Variants in EXOC6 observed in about 807,000 individuals in gnomAD.
EXOC6 encodes SEC15-like 1.
A neutral mutation model predicts 112.5 loss-of-function variants in EXOC6; 60 were observed. The observed-to-expected ratio is 0.53, with a 90% CI of 0.43 to 0.66. The LOEUF (loss-of-function observed/expected upper bound fraction) is 0.66, where lower values mean the gene tolerates loss of function less well. Ranked by LOEUF, EXOC6 falls within the 30% of genes least tolerant of loss-of-function variation. EXOC6 has a pLI of 0.00. For synonymous variants in EXOC6, 295 were observed against 308.0 expected (o/e 0.96, Z 0.44); for missense variants, 855 against 957.1 (o/e 0.89, Z 1.41).
Position 92,838,375 on chromosome 10 carries a change from T to C in EXOC6, c.86+3551T>C, listed in dbSNP as rs1846728205. ...CTTCCAGATGGTCCAGCTCGTTTCC[T>C]GCCTGACTTTCCCAATGAGCCCTTG... is the stretch of plus-strand genomic sequence containing the variant. On this transcript the variant is annotated intron_variant, in intron 1 of 21. Coordinates refer to the EXOC6 transcript ENST00000371552. Among the ~76,000 whole-genome samples, 3 of 152,218 alleles carry C rather than the reference T, an allele frequency of 2.0e-5. No individual in the cohort carries two copies. The South Asian group carries it at 6.2e-4, about 32-fold the overall frequency.
chr10:92,919,654 A>C (rs1164397349), intron 7 of EXOC6, among the ~76,000 whole-genome samples: 1 of 152,172 alleles, frequency 6.6e-6, no homozygotes, highest in Non-Finnish European at 1.5e-5. Context: ...ATTTTTACCC[A>C]AAACAATAAT....
rs538858811 is a variant in EXOC6 at position 92,976,489 on chromosome 10, A to G, written c.1953+2257A>G. On this transcript the variant is annotated intron_variant, in intron 18 of 21. Coordinates refer to ENST00000260762, the MANE Select transcript of EXOC6 (RefSeq NM_019053.6). Reference sequence around the variant, plus strand: ...AGCATGCTCGTTAAGAGTCATCACCACTCCCTAATCTCAAGTACCCAGGGA... The same window carrying G: ...AGCATGCTCGTTAAGAGTCATCACCGCTCCCTAATCTCAAGTACCCAGGGA... Among the ~76,000 whole-genome samples the G allele has an allele frequency of 4.0e-3, 610 of 151,506 alleles. 3 individuals are homozygous for G. Among genetic ancestry groups the G allele is most frequent in the African/African-American group, 0.014 (579 of 41,250 alleles).
intron 20 of EXOC6, among the ~76,000 whole-genome samples, chr10:93,020,549 C>G (rs927713922): frequency 7.9e-5 from 12 of 152,086 alleles, no homozygotes; most frequent in Non-Finnish European, 1.8e-4. Flanking sequence ...ATATGTTTGC[C>G]TACCTTACAT....
chr10:92,977,362 TA>T (rs1170907736), intron 18 of EXOC6, among the ~76,000 whole-genome samples: 2 of 151,874 alleles, frequency 1.3e-5, no homozygotes, highest in Non-Finnish European at 2.9e-5. Flanking sequence ...AAGGTGTTCC[TA>T]AAAAAAATTA....
Position 92,919,961 on chromosome 10 carries a change from T to A in EXOC6, c.820-21T>A, listed in dbSNP as rs529748973. 337 of 1,541,390 alleles carry A rather than the reference T, an allele frequency of 2.2e-4. 1 individual carries two copies. The highest frequency in any genetic ancestry group is 1.4e-3 in the East Asian group (62 of 43,894). On this transcript the variant is annotated intron_variant, in intron 7 of 21. Coordinates refer to ENST00000260762, the MANE Select transcript of EXOC6 (RefSeq NM_019053.6). ...CTAATAGTTTGACCTATAATTTTTT[T>A]AAAAATGGTTTAATTTTCAGATCTT...
Position 92,984,654 on chromosome 10 carries a change from A to C in EXOC6, c.1953+10422A>C, listed in dbSNP as rs1339148330. ...TACTATTTAAGTCTTTGCATATTAG[A>C]AAATGTCTTCTGTCTTCATGCTTGA... On this transcript the variant is annotated intron_variant, in intron 18 of 21. Coordinates refer to ENST00000260762, the MANE Select transcript of EXOC6 (RefSeq NM_019053.6). Among the ~76,000 whole-genome samples the C allele has an allele frequency of 2.0e-5, 3 of 152,236 alleles. No homozygotes were observed. In the East Asian group the frequency reaches 5.8e-4, roughly 29 times the overall value.
chr10:92,895,318 G>A (rs999839961), intron 4 of EXOC6, among the ~76,000 whole-genome samples: 15 of 151,718 alleles, frequency 9.9e-5, no homozygotes, highest in Non-Finnish European at 1.6e-4. Flanking sequence ...GTTTTTCCTC[G>A]GAATACTTTC....
At chr10:92,866,684 T>A (rs1262826535) in intron 1 of EXOC6, among the ~76,000 whole-genome samples, 2 of 152,144 alleles carry the variant, frequency 1.3e-5, no homozygotes, top group Non-Finnish European at 2.9e-5. Flanking sequence ...TAAACCTGTA[T>A]GTGTTTAGGA....
intron 20 of EXOC6, among the ~76,000 whole-genome samples, chr10:93,028,563 G>A (rs891238154): frequency 6.6e-6 from 1 of 152,004 alleles, no homozygotes; most frequent in Non-Finnish European, 1.5e-5. Flanking sequence ...TGCTGGATGC[G>A]GTGGCTCAGG....
At chr10:93,052,056 CT>C (rs1846313951) in intron 20 of EXOC6, among the ~76,000 whole-genome samples, 1 of 152,142 alleles carries the variant, frequency 6.6e-6, no homozygotes, top group Non-Finnish European at 1.5e-5. Flanking sequence ...GTTGGCTTAA[CT>C]TTATTTATCT....
Position 93,057,015 on chromosome 10 carries a change from C to A in EXOC6, c.2261C>A (p.Thr754Lys). ...AAGTACCTTCGGGTGAATCCAAACA[C>A]AGCCCTTACTCTTTTGGAGAAGTGA... ...ASKYLRVNPN[T>K]ALTLLEKMKD... is the part of the protein sequence containing the mutation. Residue 754 changes from threonine to lysine, a missense_variant, in exon 21 of 22, where the codon ACA (threonine) becomes AAA (lysine). Physicochemically the swap from Thr to Lys is moderately conservative, Grantham distance 78. Coordinates refer to ENST00000260762, the MANE Select transcript of EXOC6 (RefSeq NM_019053.6). 1 of 1,582,666 alleles carries A rather than the reference C, an allele frequency of 6.3e-7. No homozygotes were observed. Among genetic ancestry groups the A allele is most frequent in the Non-Finnish European group, 8.6e-7 (1 of 1,168,734 alleles).
chr10:93,006,964 T>G (rs1382607880), intron 19 of EXOC6, among the ~76,000 whole-genome samples: 1 of 152,160 alleles, frequency 6.6e-6, no homozygotes, highest in Non-Finnish European at 1.5e-5. Flanking sequence ...TTCCCTCTTA[T>G]GACTCCATGG....
At chr10:92,925,811 C>T (rs1851681123) in intron 8 of EXOC6, among the ~76,000 whole-genome samples, 1 of 151,920 alleles carries the variant, frequency 6.6e-6, no homozygotes, top group East Asian at 1.9e-4. Flanking sequence ...AGGTGCATGC[C>T]ACTATGCCTG....
rs1853654033 is a variant in EXOC6 at position 92,955,696 on chromosome 10, T to C, written c.1755T>C (p.Tyr585=). 1.2e-6 allele frequency: 2 copies of C among 1,610,478 alleles called. No individual in the cohort carries two copies. Among genetic ancestry groups the C allele is most frequent in the Non-Finnish European group, 1.7e-6 (2 of 1,178,670 alleles). The change falls in exon 17 of 22, where the codon TAT becomes TAC. Residue 585 remains tyrosine (Y), a synonymous_variant. Coordinates refer to ENST00000260762, the MANE Select transcript of EXOC6 (RefSeq NM_019053.6). ...SQETVHTTRL[Y]GLSTFKDARH... is the part of the protein sequence containing the mutation. ...AAACTGTTCATACTACAAGACTTTA[T>C]GGACTTTCTACTTTCAAGGTATGTA...
chr10:92,896,767 G>T (rs1283701728), intron 4 of EXOC6, among the ~76,000 whole-genome samples: 1 of 152,000 alleles, frequency 6.6e-6, no homozygotes, highest in Non-Finnish European at 1.5e-5. Flanking sequence ...TGTTGGGCAG[G>T]CTGGTCTCAA....
At chr10:93,031,749 G>T (rs970196673) in intron 20 of EXOC6, among the ~76,000 whole-genome samples, 2 of 152,004 alleles carry the variant, frequency 1.3e-5, no homozygotes, top group South Asian at 4.2e-4. Flanking sequence ...CTGACCTCAG[G>T]TGATCTGCCC....
intron 7 of EXOC6, 104 bp from the exon 8 acceptor site, chr10:92,919,878 A>G (rs1851328364): frequency 4.7e-6 from 3 of 634,788 alleles, no homozygotes; most frequent in Non-Finnish European, 7.8e-6. Context: ...TAAATGTTGT[A>G]ACACAAAGTT....
intron 20 of EXOC6, among the ~76,000 whole-genome samples, chr10:93,015,783 A>G (rs914214168): frequency 6.6e-5 from 10 of 152,132 alleles, no homozygotes; most frequent in Non-Finnish European, 1.5e-4. Context: ...TATATCTTCA[A>G]GTCAGGTTTA....
Position 92,895,644 on chromosome 10 carries a change from C to T in EXOC6, c.412+624C>T, listed in dbSNP as rs370663025. Among the ~76,000 whole-genome samples, 76 of 152,080 alleles carry T rather than the reference C, an allele frequency of 5.0e-4. 1 individual carries two copies. The South Asian group carries it at 0.016, about 32-fold the overall frequency. On this transcript the variant is annotated intron_variant, in intron 4 of 21. Coordinates refer to ENST00000260762, the MANE Select transcript of EXOC6 (RefSeq NM_019053.6). The stretch of plus-strand genomic sequence containing the variant: ...GATTTAATATACTTTAAGTTGGATG[C>T]ATTCTGTTCAAACAAAAGGAAGCAG...
Sources: allele counts gnomAD v4.1 joint callset (sites outside exome capture counted in the v4.1 genomes callset), GRCh38; gene constraint gnomAD v4.1.1; transcripts MANE v1.5; gene names NCBI Gene and HGNC (gene_info 2026-07-23, HGNC 2026-07-21).